The following CCDC171 variants were observed in gnomAD, a reference collection of about 807,000 sequenced individuals.
CCDC171 encodes the protein coiled-coil domain-containing protein 171.
CCDC171 carries 177 observed loss-of-function variants against 168.2 expected under a neutral mutation model. The observed-to-expected ratio is 1.05, with a 90% CI of 0.93 to 1.19. The LOEUF is 1.19. Ranked by LOEUF, CCDC171 falls within the 50% of genes most tolerant of loss-of-function variation. CCDC171 has a pLI of 0.00. For synonymous variants in CCDC171, 687 were observed against 540.8 expected (o/e 1.27, Z -3.75); for missense variants, 1,991 against 1,539.0 (o/e 1.29, Z -4.91).
chr9:15,885,627 C>T (rs1819295737), intron 24 of CCDC171: 1 of 152,120 alleles, frequency 6.6e-6, no homozygotes, highest in Non-Finnish European at 1.5e-5. Context: ...TGATTGATTT[C>T]ATTTGCTGTC....
At chr9:15,754,971 G>C (rs1386190136) in intron 18 of CCDC171, among the ~76,000 whole-genome samples, 1 of 152,068 alleles carries the variant, frequency 6.6e-6, no homozygotes, top group African/African-American at 2.4e-5. Context: ...GTTATATGTA[G>C]CTATAAATTT....
intron 9 of CCDC171, among the ~76,000 whole-genome samples, chr9:15,670,200 A>G (rs2049014115): frequency 6.6e-6 from 1 of 152,092 alleles, no homozygotes; most frequent in African/African-American, 2.4e-5. Flanking sequence ...AGAATGCTCA[A>G]CAGCAAGGTG....
rs148023965 is a variant in CCDC171, at chr9:15,598,812, C to G, written c.675+4640C>G. Among the ~76,000 whole-genome samples the G allele has an allele frequency of 6.9e-3, 1,043 of 152,114 alleles. 10 individuals carry two copies. The highest frequency in any genetic ancestry group is 0.024 in the African/African-American group (1,014 of 41,484). ...TCCTTTTGTAGGTCTCTAAGGACTTCCTTTATGAATCTGGGTGCTCCTGTA... is the reference window on the plus strand; with the variant it reads ...TCCTTTTGTAGGTCTCTAAGGACTTGCTTTATGAATCTGGGTGCTCCTGTA... On this transcript the variant is annotated intron_variant, in intron 6 of 25. Transcript: ENST00000380701.
At chr9:16,004,298 C>T (rs1004317557) in intron 3 of CCDC171, among the ~76,000 whole-genome samples, 8 of 152,046 alleles carry the variant, frequency 5.3e-5, no homozygotes, top group African/African-American at 1.9e-4. Context: ...GTGTGTCAGG[C>T]CAGAGCACAG....
the CCDC171 span, among the ~76,000 whole-genome samples, chr9:16,081,548 G>C: frequency 1.3e-5 from 2 of 152,170 alleles, no homozygotes; most frequent in Non-Finnish European, 2.9e-5. Flanking sequence ...CGTGAGGAAA[G>C]CCAGCCTGGT....
At chr9:16,047,198 G>A (rs1833675682) in intron 1 of CCDC171, among the ~76,000 whole-genome samples, 2 of 152,168 alleles carry the variant, frequency 1.3e-5, no homozygotes, top group Admixed American at 1.3e-4. Flanking sequence ...TCATCCAAAT[G>A]TCTTCTGGGT....
intron 1 of CCDC171, among the ~76,000 whole-genome samples, chr9:16,047,908 A>C (rs1409861555): frequency 6.6e-6 from 1 of 152,064 alleles, no homozygotes; most frequent in Non-Finnish European, 1.5e-5. Context: ...CTCATGGAAG[A>C]GCTCTGCCTC....
At position 15,789,043 on chromosome 9, in the gene CCDC171, A is replaced by G. The variant is rs541842533; in HGVS notation, c.3267+4349A>G. On this transcript the variant is annotated intron_variant, in intron 21 of 25. Transcript: ENST00000380701. The stretch of plus-strand genomic sequence containing the variant: ...AAATAAAACAAATGACAATATTGTC[A>G]AACGTCAGTATGTGGAAATCAAAGT... Among the ~76,000 whole-genome samples, 4 of 152,270 alleles carry G rather than the reference A, an allele frequency of 2.6e-5. No homozygotes were observed. In the East Asian group the frequency reaches 7.7e-4, roughly 29 times the overall value.
At chr9:15,819,141 G>A (rs1383065561) in intron 21 of CCDC171, among the ~76,000 whole-genome samples, 1 of 117,386 alleles carries the variant, frequency 8.5e-6, no homozygotes, top group African/African-American at 3.2e-5. Context: ...ACAAGCAAAT[G>A]CTGAGAGATT....
chr9:15,697,627 A>G (rs574788387), intron 11 of CCDC171, among the ~76,000 whole-genome samples: 4 of 152,322 alleles, frequency 2.6e-5, no homozygotes, highest in Admixed American at 1.3e-4. Context: ...TGTTATGTTT[A>G]TACTATAGTG....
In CCDC171 at chr9:15,724,955, G is replaced by C. The variant is rs1397248627; in HGVS notation, c.1671G>C (p.Gln557His). ...QSESELQKLS[Q>H]AFHKDAEEKL... is the part of the protein sequence containing the mutation. Reference sequence around the variant, plus strand: ...AAAGTGAACTGCAGAAGCTTTCCCAGGCTTTCCATAAGGATGCAGAGGTAT... The same window carrying C: ...AAAGTGAACTGCAGAAGCTTTCCCACGCTTTCCATAAGGATGCAGAGGTAT... Residue 557 changes from glutamine to histidine, a missense_variant, in exon 14 of 26, where the codon CAG becomes CAC. Gln to His is a conservative substitution (Grantham distance 24, BLOSUM62 0). Transcript: ENST00000380701. 1.2e-6 allele frequency: 2 copies of C among 1,613,682 alleles called. No individual in the cohort carries two copies. Among genetic ancestry groups the C allele is most frequent in the Non-Finnish European group, 1.7e-6 (2 of 1,179,810 alleles).
At position 15,784,628 on chromosome 9, in the gene CCDC171, T is replaced by C. The variant is rs201665782; in HGVS notation, c.3201T>C (p.Asn1067=). 1.5e-3 allele frequency: 2,425 copies of C among 1,613,392 alleles called. 7 individuals are homozygous for C. Among genetic ancestry groups the C allele is most frequent in the Non-Finnish European group, 1.8e-3 (2,081 of 1,179,554 alleles). ...AGGCACAACAACTACAGGAATTGAATTATAAACTTGAATTGCACTCCAGTG... is the reference window on the plus strand; with the variant it reads ...AGGCACAACAACTACAGGAATTGAACTATAAACTTGAATTGCACTCCAGTG... ...NEQAQQLQEL[N]YKLELHSSEE... is the part of the protein sequence containing the mutation. Residue 1067 remains asparagine (N), a synonymous_variant, in exon 21 of 26, where the codon AAT becomes AAC. Coordinates refer to ENST00000380701, the MANE Select transcript of CCDC171 (RefSeq NM_173550.4).
At chr9:16,089,341 G>C in the CCDC171 span, among the ~76,000 whole-genome samples, 1 of 152,072 alleles carries the variant, frequency 6.6e-6, no homozygotes, top group Non-Finnish European at 1.5e-5. Context: ...TGTTCACTCT[G>C]ATGGTAGTTT....
chr9:15,856,675 A>G (rs1241802024), intron 23 of CCDC171, among the ~76,000 whole-genome samples: 1 of 152,000 alleles, frequency 6.6e-6, no homozygotes, highest in Non-Finnish European at 1.5e-5. Flanking sequence ...TTGGGAGTGT[A>G]TATATTTCTT....
chr9:15,947,682 T>C (rs918015562), intron 25 of CCDC171, among the ~76,000 whole-genome samples: 6 of 152,048 alleles, frequency 3.9e-5, no homozygotes, highest in African/African-American at 1.4e-4. Context: ...TATACAAATA[T>C]CTCTTCAAGA....
chr9:15,978,553 C>T (rs1030834909), downstream of CCDC171, among the ~76,000 whole-genome samples: 3 of 152,148 alleles, frequency 2.0e-5, no homozygotes, highest in East Asian at 1.9e-4. Flanking sequence ...GGAAGTCCAA[C>T]GTTGATTTTC....
the CCDC171 span, among the ~76,000 whole-genome samples, chr9:16,097,106 G>A: frequency 3.9e-5 from 6 of 152,296 alleles, no homozygotes; most frequent in African/African-American, 9.6e-5. Flanking sequence ...CCCACTGAGC[G>A]AATAGGGGGA....
At chr9:15,827,088 C>G (rs568653214) in intron 21 of CCDC171, among the ~76,000 whole-genome samples, 4 of 152,304 alleles carry the variant, frequency 2.6e-5, no homozygotes, top group Middle Eastern at 3.4e-3. Context: ...CTGGGCAACC[C>G]TCAAATGAAT....
intron 7 of CCDC171, among the ~76,000 whole-genome samples, chr9:15,627,614 G>A (rs751819269): frequency 7.2e-5 from 11 of 152,284 alleles, no homozygotes; most frequent in African/African-American, 1.9e-4. Flanking sequence ...CAGTTTCCAC[G>A]TAGTTGAGTG....
Sources: gnomAD v4.1 joint callset for allele counts (sites outside exome capture counted in the v4.1 genomes callset) on GRCh38, gnomAD v4.1.1 for gene constraint, MANE v1.5 for transcripts, NCBI Gene and HGNC (gene_info 2026-07-23, HGNC 2026-07-21) for gene names.